The following EVI5 variants were observed in gnomAD, a reference collection of about 807,000 sequenced individuals.
The protein encoded by EVI5 is ecotropic viral integration site 5 protein homolog.
Under a neutral mutation model 112.0 loss-of-function variants are expected in EVI5, and 73 were observed. The observed-to-expected ratio is 0.65, with a 90% confidence interval of 0.54 to 0.79. EVI5 has a LOEUF of 0.79. Ranked by LOEUF, EVI5 falls within the 30% of genes least tolerant of loss-of-function variation. The pLI is 0.00. For synonymous variants in EVI5, 305 were observed against 319.9 expected (o/e 0.95, Z 0.50); for missense variants, 900 against 968.8 (o/e 0.93, Z 0.94).
At chr1:92,755,536 A>G (rs1383579035) in intron 1 of EVI5, among the ~76,000 whole-genome samples, 1 of 152,244 alleles carries the variant, frequency 6.6e-6, no homozygotes, top group African/African-American at 2.4e-5. Context: ...TAGAACGACT[A>G]TTTGGAAGTA....
At chr1:92,572,082 C>A (rs1248057940) in intron 18 of EVI5, among the ~76,000 whole-genome samples, 1 of 152,044 alleles carries the variant, frequency 6.6e-6, no homozygotes, top group East Asian at 1.9e-4. Context: ...TTGAATAATT[C>A]TTTCAGAAAT....
At chr1:92,610,986 T>C (rs1012017755) in intron 16 of EVI5, among the ~76,000 whole-genome samples, 3 of 151,816 alleles carry the variant, frequency 2.0e-5, no homozygotes, top group South Asian at 2.1e-4. Flanking sequence ...TTGGGAGATA[T>C]ACCTAATGCT....
intron 2 of EVI5, among the ~76,000 whole-genome samples, chr1:92,709,388 T>C (rs1031608225): frequency 6.6e-6 from 1 of 152,198 alleles, no homozygotes. Flanking sequence ...TATTATCTAC[T>C]TAATGGCACT....
At chr1:92,686,988 C>T (rs967636060) in intron 9 of EVI5, among the ~76,000 whole-genome samples, 2 of 152,112 alleles carry the variant, frequency 1.3e-5, no homozygotes, top group African/African-American at 2.4e-5. Context: ...AGATTAAATG[C>T]CATCCCCATC....
intron 19 of EVI5, among the ~76,000 whole-genome samples, chr1:92,548,185 G>A (rs1240914579): frequency 1.3e-5 from 2 of 152,146 alleles, no homozygotes; most frequent in Non-Finnish European, 2.9e-5. Flanking sequence ...ATGCAAGACT[G>A]GTTCAACATA....
At chr1:92,788,288 A>C (rs531425480), upstream of EVI5, among the ~76,000 whole-genome samples, 56 of 151,452 alleles carry the variant, frequency 3.7e-4, no homozygotes, top group South Asian at 0.01. Context: ...TGGACAACAC[A>C]GTGAAACCCC....
chr1:92,546,246 A>T (rs1665675231), intron 19 of EVI5, among the ~76,000 whole-genome samples: 1 of 152,226 alleles, frequency 6.6e-6, no homozygotes, highest in African/African-American at 2.4e-5. Context: ...GTGAATTGGC[A>T]TCCTAAGGTC....
At chr1:92,571,155 C>T (rs1266427474) in intron 18 of EVI5, among the ~76,000 whole-genome samples, 2 of 149,636 alleles carry the variant, frequency 1.3e-5, no homozygotes, top group Non-Finnish European at 3.0e-5. Context: ...ACCATTAAGT[C>T]ATTGCTTCTG....
At chr1:92,761,007 G>A (rs1399975319) in intron 1 of EVI5, among the ~76,000 whole-genome samples, 7 of 129,178 alleles carry the variant, frequency 5.4e-5, no homozygotes, top group Non-Finnish European at 9.3e-5. Flanking sequence ...GCAGTGAGCC[G>A]AGATAGCGCC....
chr1:92,775,592 A>G (rs1684007993), intron 1 of EVI5, among the ~76,000 whole-genome samples: 1 of 152,194 alleles, frequency 6.6e-6, no homozygotes, highest in African/African-American at 2.4e-5. Flanking sequence ...GCTATACCAT[A>G]TAGCCTAGGT....
At chr1:92,543,326 C>A (rs1481953354) in intron 19 of EVI5, among the ~76,000 whole-genome samples, 1 of 152,176 alleles carries the variant, frequency 6.6e-6, no homozygotes, top group Non-Finnish European at 1.5e-5. Flanking sequence ...ATGAACCAAC[C>A]TCTGTTAGCC....
At chr1:92,753,791 G>A (rs1472581573) in intron 1 of EVI5, among the ~76,000 whole-genome samples, 1 of 152,106 alleles carries the variant, frequency 6.6e-6, no homozygotes. Context: ...ATCCTCTGTA[G>A]TAATACTGTC....
At chr1:92,667,228 G>A (rs566879110) in intron 10 of EVI5, among the ~76,000 whole-genome samples, 7 of 152,036 alleles carry the variant, frequency 4.6e-5, no homozygotes, top group Non-Finnish European at 1.0e-4. Flanking sequence ...AGGTTGCAGT[G>A]AGCCAGTATC....
chr1:92,525,074 C>T (rs146539200), intron 19 of EVI5, among the ~76,000 whole-genome samples: 82 of 152,124 alleles, frequency 5.4e-4, no homozygotes, highest in African/African-American at 1.9e-3. Flanking sequence ...GTGATCTGCC[C>T]GCCTTGGTCT....
At chr1:92,760,134 A>G (rs1479398442) in intron 1 of EVI5, among the ~76,000 whole-genome samples, 3 of 152,226 alleles carry the variant, frequency 2.0e-5, no homozygotes, top group Non-Finnish European at 4.4e-5. Flanking sequence ...TTAAATATGT[A>G]TTATTTTGCA....
intron 1 of EVI5, among the ~76,000 whole-genome samples, chr1:92,737,449 T>C (rs1201519660): frequency 6.6e-6 from 1 of 152,216 alleles, no homozygotes; most frequent in Non-Finnish European, 1.5e-5. Context: ...AAGATTCCTC[T>C]CTTTTCTAAG....
At chr1:92,702,244 T>C (rs1570451981) in intron 4 of EVI5, 29 bp from the exon 5 acceptor site, 2 of 1,242,526 alleles carry the variant, frequency 1.6e-6, no homozygotes, top group Non-Finnish European at 2.3e-6. Flanking sequence ...TTGTTCAAAA[T>C]ACATGGTAAG....
intron 1 of EVI5, among the ~76,000 whole-genome samples, chr1:92,770,077 GGAACGCAGCTCGA>G (rs1363487729): frequency 2.0e-5 from 3 of 152,172 alleles, no homozygotes; most frequent in African/African-American, 7.2e-5. Flanking sequence ...AGGAATACAA[GGAACGCAGCTCGA>G]GAAGCTAGAG....
chr1:92,574,772 A>G lies in EVI5; in HGVS notation c.2071-11035T>C, dbSNP rs1165355369. The stretch of plus-strand genomic sequence containing the variant: ...AGAGTGGGGGAACATTTTAAAACAT[A>G]CAATAAACTGTTTATAAATAAATCT... On this transcript the variant is annotated intron_variant, in intron 18 of 19. Transcript: ENST00000684568. 2.6e-5 allele frequency among the ~76,000 whole-genome samples: 4 copies of G among 152,194 alleles called. No individual in the cohort carries two copies. In the East Asian group the frequency reaches 7.7e-4, roughly 29 times the overall value.
Sources: allele counts gnomAD v4.1 joint callset (sites outside exome capture counted in the v4.1 genomes callset), GRCh38; gene constraint gnomAD v4.1.1; transcripts MANE v1.5; gene names NCBI Gene and HGNC (gene_info 2026-07-23, HGNC 2026-07-21).